TENM2: variants seen among roughly 807,000 people sequenced by gnomAD.
The protein encoded by TENM2 is teneurin-2.
In TENM2, 52 loss-of-function variants were observed where a neutral mutation model predicts 245.2. That is an observed-to-expected ratio of 0.21 (90% CI 0.17 to 0.27). The LOEUF is 0.27. Among genes scored for constraint, TENM2 ranks in the 10% least tolerant of loss-of-function variants. TENM2 has a pLI of 1.00. For missense variants in TENM2, 3,046 were observed against 3,666.8 expected (o/e 0.83, Z 4.37); for synonymous variants, 1,363 against 1,438.9 (o/e 0.95, Z 1.19).
At chr5:167,894,556 C>T (rs1241518820) in intron 3 of TENM2, among the ~76,000 whole-genome samples, 1 of 152,092 alleles carries the variant, frequency 6.6e-6, no homozygotes, top group African/African-American at 2.4e-5. Flanking sequence ...AATCTTTCCC[C>T]CTATCTTTCC....
In TENM2 at chr5:168,120,643, T is replaced by C. The variant is rs74406023; in HGVS notation, c.2008+2157T>C. Among the ~76,000 whole-genome samples, 1,059 of 152,308 alleles carry C rather than the reference T, an allele frequency of 7.0e-3. 15 individuals carry two copies. Among genetic ancestry groups the C allele is most frequent in the Middle Eastern group, 0.031 (9 of 294 alleles). On this transcript the variant is annotated intron_variant, in intron 10 of 28. Transcript: ENST00000518659. ...CAACCAAACAAGCCACGTGAATCAT[T>C]ATGAAAGGATGAAATCTCCTCCGTT...
At chr5:167,932,065 T>C (rs1583408447) in intron 3 of TENM2, among the ~76,000 whole-genome samples, 1 of 152,212 alleles carries the variant, frequency 6.6e-6, no homozygotes, top group Non-Finnish European at 1.5e-5. Context: ...CGTATTGAGC[T>C]GCCTAGGTGA....
the TENM2 span, among the ~76,000 whole-genome samples, chr5:167,017,798 G>T: frequency 1.3e-5 from 2 of 152,048 alleles, no homozygotes; most frequent in Non-Finnish European, 2.9e-5. Flanking sequence ...GTCTTATTGC[G>T]TGATGCCATA....
chr5:167,860,404 C>T (rs1342114082), intron 2 of TENM2, among the ~76,000 whole-genome samples: 25 of 93,106 alleles, frequency 2.7e-4, no homozygotes, highest in African/African-American at 1.0e-3. Flanking sequence ...CCGCCCCGTC[C>T]GGGAGGGAGG....
At chr5:167,037,047 T>G in the TENM2 span, among the ~76,000 whole-genome samples, 1 of 152,234 alleles carries the variant, frequency 6.6e-6, no homozygotes, top group African/African-American at 2.4e-5. Flanking sequence ...TTTGGGATCC[T>G]CAATCCCATT....
At chr5:167,030,063 G>C in the TENM2 span, among the ~76,000 whole-genome samples, 1 of 152,138 alleles carries the variant, frequency 6.6e-6, no homozygotes, top group East Asian at 1.9e-4. Flanking sequence ...ATGATCGTCA[G>C]GGGTCGACCA....
At chr5:167,378,039 G>C (rs547392961) in intron 2 of TENM2, among the ~76,000 whole-genome samples, 2 of 151,796 alleles carry the variant, frequency 1.3e-5, no homozygotes, top group Non-Finnish European at 2.9e-5. Context: ...CTTTTCTGTG[G>C]GGTTCCATAT....
intron 1 of TENM2, among the ~76,000 whole-genome samples, chr5:167,292,967 A>G (rs1281236297): frequency 1.3e-5 from 2 of 152,180 alleles, no homozygotes; most frequent in Non-Finnish European, 2.9e-5. Context: ...AGGTGACTAC[A>G]TTTTGTTGTT....
intron 2 of TENM2, among the ~76,000 whole-genome samples, chr5:167,609,290 T>C (rs1402938299): frequency 2.0e-5 from 3 of 152,052 alleles, no homozygotes; most frequent in Admixed American, 6.6e-5. Context: ...TTCTTGCCTA[T>C]GCCTGTTGAC....
chr5:167,126,837 G>A, the TENM2 span, among the ~76,000 whole-genome samples: 1 of 152,240 alleles, frequency 6.6e-6, no homozygotes, highest in African/African-American at 2.4e-5. Flanking sequence ...GGGATGTTGG[G>A]CTTACTAAGG....
chr5:167,900,833 G>A (rs991516711), intron 3 of TENM2, among the ~76,000 whole-genome samples: 1 of 151,844 alleles, frequency 6.6e-6, no homozygotes, highest in African/African-American at 2.4e-5. Context: ...ATTGGGGTGG[G>A]GGGGTGAGGT....
intron 3 of TENM2, among the ~76,000 whole-genome samples, chr5:167,892,112 C>A (rs1774807194): frequency 6.6e-6 from 1 of 152,118 alleles, no homozygotes; most frequent in African/African-American, 2.4e-5. Context: ...GCATTGTAAG[C>A]ACATTATGGA....
chr5:167,819,828 GT>G (rs1443699618), intron 2 of TENM2, among the ~76,000 whole-genome samples: 4 of 152,208 alleles, frequency 2.6e-5, no homozygotes, highest in Non-Finnish European at 4.4e-5. Flanking sequence ...TGGTCTTCCT[GT>G]CTAGGGCTGT....
chr5:167,882,641 G>A (rs1773971266), intron 3 of TENM2, among the ~76,000 whole-genome samples: 1 of 152,200 alleles, frequency 6.6e-6, no homozygotes. Flanking sequence ...AAAGCAGCAG[G>A]AAGGAGAAGT....
intron 2 of TENM2, among the ~76,000 whole-genome samples, chr5:167,471,977 G>A (rs1347483526): frequency 6.6e-6 from 1 of 152,206 alleles, no homozygotes; most frequent in Non-Finnish European, 1.5e-5. Context: ...GCCATTGCCA[G>A]TTAAGCTGGC....
At chr5:167,735,148 C>A (rs1431420587) in intron 2 of TENM2, among the ~76,000 whole-genome samples, 1 of 152,132 alleles carries the variant, frequency 6.6e-6, no homozygotes, top group African/African-American at 2.4e-5. Flanking sequence ...TGCAATTGTA[C>A]TGTTATATGT....
intron 5 of TENM2, among the ~76,000 whole-genome samples, chr5:168,030,807 C>T (rs1787075015): frequency 6.6e-6 from 1 of 152,140 alleles, no homozygotes; most frequent in South Asian, 2.1e-4. Context: ...GAAGAAAATA[C>T]TATTGCCATC....
At chr5:167,145,678 T>A in the TENM2 span, among the ~76,000 whole-genome samples, 3 of 152,304 alleles carry the variant, frequency 2.0e-5, no homozygotes, top group Admixed American at 2.0e-4. Context: ...CCATATTAGG[T>A]CACATATACA....
the TENM2 span, among the ~76,000 whole-genome samples, chr5:167,046,499 G>A: frequency 1.3e-5 from 2 of 152,222 alleles, no homozygotes; most frequent in South Asian, 2.1e-4. Flanking sequence ...TACTTAAAAT[G>A]TGGAATAAAC....
Sources: gnomAD v4.1 joint callset for allele counts (sites outside exome capture counted in the v4.1 genomes callset) on GRCh38, gnomAD v4.1.1 for gene constraint, MANE v1.5 for transcripts, NCBI Gene and HGNC (gene_info 2026-07-23, HGNC 2026-07-21) for gene names.